EIF2AK4: variants seen among roughly 807,000 people sequenced by gnomAD.
The protein encoded by EIF2AK4 is eukaryotic translation initiation factor 2 alpha kinase 4, also known as eIF-2-alpha kinase GCN2.
EIF2AK4 carries 139 observed loss-of-function variants against 211.1 expected under a neutral mutation model. The observed-to-expected ratio is 0.66, with a 90% CI of 0.57 to 0.76. The LOEUF (loss-of-function observed/expected upper bound fraction) is 0.76, where lower values mean the gene tolerates loss of function less well. EIF2AK4 is among the 30% of genes least tolerant of loss of function. The pLI, the probability that EIF2AK4 is intolerant of heterozygous loss-of-function variation, is 0.00. For missense variants in EIF2AK4, 1,664 were observed against 2,043.8 expected, an observed-to-expected ratio of 0.81 and a Z score of 3.58; for synonymous variants, 710 against 751.3, an observed-to-expected ratio of 0.94 and a Z score of 0.90.
chr15:40,034,359 G>T lies in EIF2AK4; in HGVS notation c.4807G>T (p.Val1603Leu). The T allele has an allele frequency of 6.2e-7, 1 of 1,614,048 alleles. No individual in the cohort carries two copies. The highest frequency in any genetic ancestry group is 8.5e-7 in the Non-Finnish European group (1 of 1,179,976). The change falls in exon 38 of 39, where the codon GTG becomes TTG. Residue 1603 changes from valine to leucine, a missense_variant. Around this residue, in one of 7 missense-constraint regions of EIF2AK4, gnomAD observed 138 missense variants for 165.1 expected, o/e 0.84. Transcript: ENST00000263791. The stretch of plus-strand genomic sequence containing the variant: ...TGATGAACAGGCATTTAACACAACT[G>T]TGAAGCAGCTGCTGTCACGCCTGCC... ...DADEQAFNTT[V>L]KQLLSRLPKQ... is the part of the protein sequence containing the mutation.
At chr15:39,949,721 G>A (rs959086629) in intron 4 of EIF2AK4, among the ~76,000 whole-genome samples, 4 of 151,702 alleles carry the variant, frequency 2.6e-5, no homozygotes, top group Admixed American at 6.6e-5. Flanking sequence ...TAATATCTAC[G>A]CAAACAGATT....
chr15:39,974,221 G>A (rs907977292), intron 11 of EIF2AK4: 14 of 152,622 alleles, frequency 9.2e-5, no homozygotes, highest in African/African-American at 3.4e-4. Flanking sequence ...AAGTAGCGAT[G>A]TATTATTAAG....
chr15:39,965,912 TAG>T, intron 8 of EIF2AK4, 69 bp downstream of exon 8: 1 of 1,573,402 alleles, frequency 6.4e-7, no homozygotes, highest in Non-Finnish European at 8.6e-7. Context: ...CAGAACAAAA[TAG>T]CCCTGCATTT....
intron 6 of EIF2AK4, among the ~76,000 whole-genome samples, chr15:39,956,431 T>C (rs2034393173): frequency 6.6e-6 from 1 of 152,194 alleles, no homozygotes; most frequent in African/African-American, 2.4e-5. Flanking sequence ...CATCCAGTGT[T>C]TCAGTCTACA....
At chr15:39,943,527 TCCC>T in intron 3 of EIF2AK4, 42 bp downstream of exon 3, 1 of 1,492,392 alleles carries the variant, frequency 6.7e-7, no homozygotes, top group Non-Finnish European at 9.1e-7. Context: ...ACAGTAAACT[TCCC>T]CATTACACCT....
At chr15:40,032,910 C>A in intron 37 of EIF2AK4, 109 bp downstream of exon 37, 3 of 856,774 alleles carry the variant, frequency 3.5e-6, no homozygotes, top group Non-Finnish European at 5.2e-6. Flanking sequence ...ATTTTTCTGG[C>A]AGCTGCAGGA....
At chr15:39,982,277 A>G (rs2034801445) in intron 13 of EIF2AK4, among the ~76,000 whole-genome samples, 1 of 152,158 alleles carries the variant, frequency 6.6e-6, no homozygotes, top group Admixed American at 6.5e-5. Flanking sequence ...CTGTTTCTGA[A>G]CTAAGCCTAC....
chr15:40,027,736 A>G (rs2035483151), intron 33 of EIF2AK4, among the ~76,000 whole-genome samples: 1 of 152,002 alleles, frequency 6.6e-6, no homozygotes, highest in Non-Finnish European at 1.5e-5. Flanking sequence ...TAAAGATACA[A>G]AAAAATTAGC....
At chr15:39,991,134 A>G (rs2034938710) in intron 16 of EIF2AK4, 1 of 152,296 alleles carries the variant, frequency 6.6e-6, no homozygotes, top group Non-Finnish European at 1.5e-5. Context: ...AGTTAATTCC[A>G]AGGGTGATCA....
At chr15:39,944,174 T>C (rs1383797058) in intron 3 of EIF2AK4, among the ~76,000 whole-genome samples, 1 of 152,168 alleles carries the variant, frequency 6.6e-6, no homozygotes, top group African/African-American at 2.4e-5. Context: ...TCCTTCAGTG[T>C]CTGTCATATA....
At chr15:39,990,204 T>C in intron 15 of EIF2AK4, 69 bp from the exon 16 acceptor site, 1 of 1,500,294 alleles carries the variant, frequency 6.7e-7, no homozygotes. Flanking sequence ...GTTGGCCTTT[T>C]AAATTAGGAA....
At chr15:39,985,501 G>T (rs1463992311) in intron 13 of EIF2AK4, among the ~76,000 whole-genome samples, 1 of 152,152 alleles carries the variant, frequency 6.6e-6, no homozygotes, top group South Asian at 2.1e-4. Flanking sequence ...GAAGAAATGT[G>T]TAAATTCCTG....
In EIF2AK4 at chr15:39,943,374, C is replaced by A. The variant is rs753671960; in HGVS notation, c.258-9C>A. On this transcript the variant is annotated splice_polypyrimidine_tract_variant and intron_variant, in intron 2 of 38. Coordinates refer to ENST00000263791, the MANE Select transcript of EIF2AK4 (RefSeq NM_001013703.4). The stretch of plus-strand genomic sequence containing the variant: ...CTCTTTTTTTTTTTTTTTTTTTTGC[C>A]TTTTCCAGAGTTCCTGAAATAGAGT... The A allele has an allele frequency of 2.0e-5, 20 of 1,009,024 alleles. No individual in the cohort carries two copies. The highest frequency in any genetic ancestry group is 2.7e-5 in the South Asian group (1 of 37,120). 62.5% of individuals were successfully genotyped at this position (1,009,024 alleles called of 1,614,324 possible). A position where few individuals can be genotyped will look rare whatever the true frequency, so the allele number is the denominator to read the frequency against.
Position 39,976,664 on chromosome 15 carries a change from C to T in EIF2AK4, c.2069C>T (p.Thr690Ile), listed in dbSNP as rs1298315955. Residue 690 changes from threonine (T) to isoleucine (I), a missense_variant, in exon 12 of 39, where the codon ACA becomes ATA. Physicochemically the swap from Thr to Ile is moderately conservative, Grantham distance 89. Transcript: ENST00000263791. ...GCACGCGGGCAGCCGGCGAGCGACA[C>T]AGACGGCCTGGACAGCGTAGAGGCC... is the stretch of plus-strand genomic sequence containing the variant. ...RAARGQPASDTDGLDSVEAAA... is the reference protein window; with the variant it reads ...RAARGQPASDIDGLDSVEAAA... 3 of 1,604,558 alleles carry T rather than the reference C, an allele frequency of 1.9e-6. No homozygotes were observed. Among genetic ancestry groups the T allele is most frequent in the Admixed American group, 1.7e-5 (1 of 59,698 alleles).
intron 7 of EIF2AK4, among the ~76,000 whole-genome samples, chr15:39,964,466 C>CG (rs1376489815): frequency 6.6e-6 from 1 of 151,956 alleles, no homozygotes; most frequent in Non-Finnish European, 1.5e-5. Flanking sequence ...ACATTGGGGT[C>CG]GGGGTGCTAT....
At position 40,022,527 on chromosome 15, in the gene EIF2AK4, G is replaced by A; in HGVS notation, c.4311G>A (p.Glu1437=). ...EIMYDWSQSQ[E]ELQEYCRHHE... ...ATGTTTGTTTGTTTCAGTCCCAAGA[G>A]GAATTACAAGAGTACTGCAGACATC... The change falls in exon 32 of 39, where the codon GAG becomes GAA. Residue 1437 remains glutamate, a synonymous_variant. Transcript: ENST00000263791. The A allele has an allele frequency of 1.9e-6, 3 of 1,613,668 alleles. No homozygotes were observed. The highest frequency in any genetic ancestry group is 1.7e-6 in the Non-Finnish European group (2 of 1,179,760).
At chr15:40,022,181 CGTGTGT>C (rs142104639) in intron 31 of EIF2AK4, 33 of 137,760 alleles carry the variant, frequency 2.4e-4, no homozygotes, top group Admixed American at 5.3e-4. Context: ...GCTTTTTCAG[CGTGTGT>C]GTGTGTGTGT....
chr15:39,981,722 T>C (rs540730009), intron 13 of EIF2AK4, among the ~76,000 whole-genome samples: 1 of 152,260 alleles, frequency 6.6e-6, no homozygotes, highest in African/African-American at 2.4e-5. Flanking sequence ...CTTGGTGTTA[T>C]AAGTATTCAA....
At chr15:39,958,664 A>G (rs762948670) in intron 6 of EIF2AK4, among the ~76,000 whole-genome samples, 73 of 152,210 alleles carry the variant, frequency 4.8e-4, no homozygotes, top group Non-Finnish European at 8.8e-4. Flanking sequence ...TGTTGTCTCT[A>G]CAAAGTGGCT....
Sources: gnomAD v4.1 joint callset for allele counts (sites outside exome capture counted in the v4.1 genomes callset) on GRCh38, gnomAD v4.1.1 for gene constraint, gnomAD v4.1.1 regional missense constraint, MANE v1.5 for transcripts, NCBI Gene and HGNC (gene_info 2026-07-23, HGNC 2026-07-21) for gene names.